MAP3K5: variants seen among roughly 807,000 people sequenced by gnomAD.
MAP3K5 encodes ASK-1.
Under a neutral mutation model 158.7 loss-of-function variants are expected in MAP3K5, and 56 were observed. That is an observed-to-expected ratio of 0.35 (90% CI 0.28 to 0.44). The LOEUF (loss-of-function observed/expected upper bound fraction) is 0.44. Ranked by LOEUF, MAP3K5 falls within the 20% of genes least tolerant of loss-of-function variation. The probability of loss-of-function intolerance (pLI) is 1.00; values close to 1 mark genes in which losing one functional copy is unlikely to be tolerated. For synonymous variants in MAP3K5, 579 were observed against 601.7 expected (o/e 0.96, Z 0.55); for missense variants, 1,294 against 1,674.8 (o/e 0.77, Z 3.97).
chr6:136,567,290 T>G (rs1161775969), intron 26 of MAP3K5, among the ~76,000 whole-genome samples: 3 of 152,208 alleles, frequency 2.0e-5, no homozygotes, highest in African/African-American at 7.2e-5. Context: ...TTCAAAAACA[T>G]GAGCTTTCTG....
At chr6:136,741,385 T>G (rs961443422) in intron 1 of MAP3K5, among the ~76,000 whole-genome samples, 4 of 152,104 alleles carry the variant, frequency 2.6e-5, no homozygotes, top group Admixed American at 6.5e-5. Context: ...AATTCAAAAT[T>G]GAATTATAGA....
In MAP3K5 at chr6:136,705,426, C is replaced by G. The variant is rs371569180; in HGVS notation, c.589-293G>C. The stretch of plus-strand genomic sequence containing the variant: ...CCTCCCACCTCAGCCTCCCAAGTAG[C>G]TAGGACTACAGGCCTACAGGTACAT... On this transcript the variant is annotated intron_variant, in intron 2 of 29. Coordinates refer to ENST00000359015, the MANE Select transcript of MAP3K5 (RefSeq NM_005923.4). Among the ~76,000 whole-genome samples the G allele has an allele frequency of 4.0e-3, 602 of 152,246 alleles. 3 individuals are homozygous for G. Among genetic ancestry groups the G allele is most frequent in the African/African-American group, 0.013 (550 of 41,546 alleles).
intron 11 of MAP3K5, among the ~76,000 whole-genome samples, chr6:136,644,430 C>G (rs2114339975): frequency 6.6e-6 from 1 of 152,318 alleles, no homozygotes; most frequent in South Asian, 2.1e-4. Context: ...GCAGCGCTAG[C>G]TATAATTAGC....
chr6:136,644,520 C>T (rs770599875), intron 11 of MAP3K5, among the ~76,000 whole-genome samples: 3 of 152,192 alleles, frequency 2.0e-5, no homozygotes, highest in Non-Finnish European at 4.4e-5. Context: ...AGCCTCAGAT[C>T]CCAGGCCCCA....
intron 19 of MAP3K5, 107 bp downstream of exon 19, chr6:136,605,102 T>A (rs144175004): frequency 9.0e-7 from 1 of 1,105,144 alleles, no homozygotes; most frequent in East Asian, 2.4e-5. Context: ...TTCTAAGTTG[T>A]GTTTACTTAG....
At chr6:136,559,636 T>C (rs1303286739) in intron 28 of MAP3K5, among the ~76,000 whole-genome samples, 1 of 152,236 alleles carries the variant, frequency 6.6e-6, no homozygotes, top group African/African-American at 2.4e-5. Flanking sequence ...GCAAAGGCAC[T>C]TGACTGTAAT....
intron 12 of MAP3K5, among the ~76,000 whole-genome samples, chr6:136,642,051 A>AAAATT (rs1777992760): frequency 7.5e-6 from 1 of 132,916 alleles, no homozygotes; most frequent in Non-Finnish European, 1.5e-5. Context: ...AAAATAAAAT[A>AAAATT]AAATAAAATA....
chr6:136,579,383 C>G (rs1774767805), intron 25 of MAP3K5, among the ~76,000 whole-genome samples: 1 of 152,182 alleles, frequency 6.6e-6, no homozygotes, highest in South Asian at 2.1e-4. Flanking sequence ...TCAACACTAC[C>G]CCTTTTGTAT....
intron 1 of MAP3K5, among the ~76,000 whole-genome samples, chr6:136,752,200 G>A (rs1231747369): frequency 6.6e-6 from 1 of 152,168 alleles, no homozygotes; most frequent in Non-Finnish European, 1.5e-5. Flanking sequence ...CTACAGAGAT[G>A]ATCAAGTCAT....
At chr6:136,773,772 C>T (rs1784302869) in intron 1 of MAP3K5, among the ~76,000 whole-genome samples, 1 of 152,106 alleles carries the variant, frequency 6.6e-6, no homozygotes, top group Admixed American at 6.5e-5. Flanking sequence ...CTAAGCCTCC[C>T]AAGTAACTGG....
intron 1 of MAP3K5, among the ~76,000 whole-genome samples, chr6:136,722,633 T>C (rs1457407855): frequency 6.6e-6 from 1 of 151,674 alleles, no homozygotes; most frequent in South Asian, 2.1e-4. Flanking sequence ...GACACTCTTT[T>C]ATGCTGTGGG....
Position 136,622,663 on chromosome 6 carries a change from G to A in MAP3K5, c.2150+185C>T, listed in dbSNP as rs1013062476. Among the ~76,000 whole-genome samples, 3 of 152,146 alleles carry A rather than the reference G, an allele frequency of 2.0e-5. No homozygotes were observed. The East Asian group carries it at 5.8e-4, about 29-fold the overall frequency. ...CTCTTTTCTAGTCTTTGAAAGCCCC[G>A]TTCTTCCCCACCAGTCTGGCACTTC... On this transcript the variant is annotated intron_variant, in intron 15 of 29. Coordinates refer to ENST00000359015, the MANE Select transcript of MAP3K5 (RefSeq NM_005923.4).
chr6:136,733,429 T>A (rs1396127845), intron 1 of MAP3K5, among the ~76,000 whole-genome samples: 1 of 152,204 alleles, frequency 6.6e-6, no homozygotes, highest in Non-Finnish European at 1.5e-5. Context: ...ACAGTTTATA[T>A]CTTCTGGTGC....
chr6:136,603,761 T>C (rs1438262351), intron 19 of MAP3K5, among the ~76,000 whole-genome samples: 1 of 152,208 alleles, frequency 6.6e-6, no homozygotes, highest in South Asian at 2.1e-4. Context: ...GGAGAAAACC[T>C]GAAAGACTGG....
At chr6:136,716,249 C>T (rs565487166) in intron 2 of MAP3K5, among the ~76,000 whole-genome samples, 1 of 151,822 alleles carries the variant, frequency 6.6e-6, no homozygotes, top group East Asian at 1.9e-4. Flanking sequence ...ATTAAATATT[C>T]CCAAATTGCG....
intron 1 of MAP3K5, among the ~76,000 whole-genome samples, chr6:136,759,482 A>ATATATATATATATATG (rs1420942856): frequency 1.4e-5 from 2 of 142,036 alleles, no homozygotes; most frequent in African/African-American, 5.2e-5. Context: ...ATATATATAT[A>ATATATATATATATATG]AAGTTTGAGA....
intron 21 of MAP3K5, among the ~76,000 whole-genome samples, chr6:136,599,898 G>C (rs559428856): frequency 6.6e-6 from 1 of 152,260 alleles, no homozygotes; most frequent in Admixed American, 6.5e-5. Context: ...CTGCCTTCCG[G>C]AGCCCAGGCT....
At chr6:136,773,505 T>C (rs1278518918) in intron 1 of MAP3K5, among the ~76,000 whole-genome samples, 1 of 152,214 alleles carries the variant, frequency 6.6e-6, no homozygotes, top group East Asian at 1.9e-4. Flanking sequence ...GGACAAGCCC[T>C]CTTTGCATTG....
At chr6:136,655,047 A>C (rs1778683962) in intron 10 of MAP3K5, among the ~76,000 whole-genome samples, 2 of 152,106 alleles carry the variant, frequency 1.3e-5, no homozygotes, top group African/African-American at 4.8e-5. Context: ...ACATTCACTT[A>C]TTTATATTTA....
Sources: gnomAD v4.1 joint callset for allele counts (sites outside exome capture counted in the v4.1 genomes callset) on GRCh38, gnomAD v4.1.1 for gene constraint, MANE v1.5 for transcripts, NCBI Gene and HGNC (gene_info 2026-07-23, HGNC 2026-07-21) for gene names.